Variants in PLXDC2 observed in about 807,000 individuals in gnomAD.
PLXDC2 encodes the protein plexin domain containing 2.
Under a neutral mutation model 68.9 loss-of-function variants are expected in PLXDC2, and 40 were observed. The ratio of observed to expected loss-of-function variants is 0.58; its 90% CI spans 0.45 to 0.76. PLXDC2 has a LOEUF of 0.76. Among genes scored for constraint, PLXDC2 ranks in the 30% least tolerant of loss-of-function variants. The pLI is 0.00. For synonymous variants in PLXDC2, 243 were observed against 234.2 expected (o/e 1.04, Z -0.34); for missense variants, 644 against 661.9 (o/e 0.97, Z 0.30).
At chr10:19,938,627 A>G (rs1160967899) in intron 1 of PLXDC2, among the ~76,000 whole-genome samples, 2 of 152,090 alleles carry the variant, frequency 1.3e-5, no homozygotes, top group Non-Finnish European at 2.9e-5. Flanking sequence ...ACCAGGTCCT[A>G]CCTCCAATGT....
At position 20,282,515 on chromosome 10, in the gene PLXDC2, G is replaced by A. The variant is rs1836094770; in HGVS notation, c.*2696G>A. 1 of 152,134 alleles carries A rather than the reference G, an allele frequency of 6.6e-6. No homozygotes were observed. Among genetic ancestry groups the A allele is most frequent in the Non-Finnish European group, 1.5e-5 (1 of 68,014 alleles). The allele number at this position is 152,134 out of a possible 1,614,324, so 9.4% of individuals were successfully genotyped here. Reference sequence around the variant, plus strand: ...ATAAATGGTGCTACAGAGGAATTTAGTTATTTCAGCTTAATTATTTGTAAA... The same window carrying A: ...ATAAATGGTGCTACAGAGGAATTTAATTATTTCAGCTTAATTATTTGTAAA... On this transcript the variant is annotated 3_prime_UTR_variant, in exon 14 of 14. Coordinates refer to ENST00000377252, the MANE Select transcript of PLXDC2 (RefSeq NM_032812.9).
intron 1 of PLXDC2, among the ~76,000 whole-genome samples, chr10:19,840,006 T>C (rs1294042182): frequency 6.6e-6 from 1 of 152,196 alleles, no homozygotes; most frequent in African/African-American, 2.4e-5. Flanking sequence ...AGACAAAAAC[T>C]AAATGTTAAC....
intron 4 of PLXDC2, among the ~76,000 whole-genome samples, chr10:20,078,099 C>T (rs1485718252): frequency 3.9e-5 from 6 of 152,050 alleles, no homozygotes; most frequent in Non-Finnish European, 1.5e-5. Flanking sequence ...ACCTTTCTAC[C>T]TCTTAATAAT....
Position 19,860,831 on chromosome 10 carries a change from A to G in PLXDC2, c.112+43640A>G, listed in dbSNP as rs1012841951. ...GGTTAAAGGTATGTACATAGTCTTC[A>G]GTACCAGAGAAAATCTGGGAGCCAG... is the stretch of plus-strand genomic sequence containing the variant. On this transcript the variant is annotated intron_variant, in intron 1 of 13. Transcript: ENST00000377252. 6.6e-5 allele frequency among the ~76,000 whole-genome samples: 10 copies of G among 152,152 alleles called. 1 individual carries two copies. The highest frequency in any genetic ancestry group is 1.3e-4 in the Admixed American group (2 of 15,270).
chr10:19,960,985 A>G (rs755024225), intron 1 of PLXDC2, among the ~76,000 whole-genome samples: 4 of 152,146 alleles, frequency 2.6e-5, no homozygotes, highest in African/African-American at 4.8e-5. Flanking sequence ...CTTGACTTGT[A>G]TTTCTGTGTT....
In PLXDC2 at chr10:20,164,668, C is replaced by A. The variant is rs1340287632; in HGVS notation, c.883+101C>A. The A allele has an allele frequency of 1.5e-5, 13 of 859,504 alleles. No homozygotes were observed. In the Admixed American group the frequency reaches 2.7e-4, roughly 18 times the overall value. The allele number at this position is 859,504 out of a possible 1,614,324, so 53.2% of individuals were successfully genotyped here. ...TGTACCTGAATTAAAAAAAAAATAG[C>A]TAATCGATTAGCTGATTAATGCTTG... is the stretch of plus-strand genomic sequence containing the variant. On this transcript the variant is annotated intron_variant, in intron 7 of 13. Coordinates refer to ENST00000377252, the MANE Select transcript of PLXDC2 (RefSeq NM_032812.9).
At chr10:20,144,836 G>T (rs891708013) in intron 5 of PLXDC2, among the ~76,000 whole-genome samples, 1 of 152,150 alleles carries the variant, frequency 6.6e-6, no homozygotes, top group African/African-American at 2.4e-5. Context: ...TGATTCTAAT[G>T]ACCAAGTTTT....
rs948808658 is a variant in PLXDC2, at chr10:19,966,880, G to C, written c.113-34895G>C. Among the ~76,000 whole-genome samples the C allele has an allele frequency of 4.6e-5, 7 of 152,168 alleles. 1 individual carries two copies. Among genetic ancestry groups the C allele is most frequent in the African/African-American group, 1.7e-4 (7 of 41,448 alleles). ...ATGCAGAGGCCAGGGGGAAACACTG[G>C]GGAGAGGGCTCCCAGGACCTAGCAG... On this transcript the variant is annotated intron_variant, in intron 1 of 13. Transcript: ENST00000377252.
At chr10:20,140,794 AC>A (rs372502210) in intron 4 of PLXDC2, among the ~76,000 whole-genome samples, 1 of 152,264 alleles carries the variant, frequency 6.6e-6, no homozygotes, top group Non-Finnish European at 1.5e-5. Context: ...ACCAAGAAAA[AC>A]AAACAATATT....
intron 1 of PLXDC2, among the ~76,000 whole-genome samples, chr10:19,937,079 C>A (rs1205337448): frequency 6.6e-6 from 1 of 152,078 alleles, no homozygotes; most frequent in Admixed American, 6.6e-5. Flanking sequence ...AGACTTAGAC[C>A]CGACCCTCAA....
chr10:20,267,897 TG>T (rs1461119105), intron 13 of PLXDC2, among the ~76,000 whole-genome samples: 1 of 151,986 alleles, frequency 6.6e-6, no homozygotes, highest in Non-Finnish European at 1.5e-5. Context: ...AGCTATCATC[TG>T]GCTCACATAA....
intron 13 of PLXDC2, among the ~76,000 whole-genome samples, chr10:20,252,938 A>G (rs769478196): frequency 2.0e-5 from 3 of 151,264 alleles, no homozygotes; most frequent in Non-Finnish European, 4.4e-5. Flanking sequence ...CAACTTGATA[A>G]TAAGTGGCAT....
chr10:20,114,600 G>A (rs942759264), intron 4 of PLXDC2, among the ~76,000 whole-genome samples: 1 of 152,224 alleles, frequency 6.6e-6, no homozygotes, highest in Non-Finnish European at 1.5e-5. Flanking sequence ...CACAAAGGGT[G>A]TAATCAGGCC....
chr10:20,110,489 T>C (rs1447149950), intron 4 of PLXDC2, among the ~76,000 whole-genome samples: 1 of 152,212 alleles, frequency 6.6e-6, no homozygotes. Context: ...ATTTATACTG[T>C]GGAATCCCCT....
In PLXDC2 at chr10:19,838,896, T is replaced by A. The variant is rs565751196; in HGVS notation, c.112+21705T>A. Among the ~76,000 whole-genome samples, 3 of 152,300 alleles carry A rather than the reference T, an allele frequency of 2.0e-5. No homozygotes were observed. In the East Asian group the frequency reaches 5.8e-4, roughly 29 times the overall value. ...CCTTATAAGCATCGCTTAAGATTAC[T>A]GCTCTGGGGCCAGGTGTGGTGGCTC... On this transcript the variant is annotated intron_variant, in intron 1 of 13. Transcript: ENST00000377252.
intron 12 of PLXDC2, among the ~76,000 whole-genome samples, chr10:20,230,701 A>AAAAAAAAAAAAAAAAAAAAC (rs1564361118): frequency 6.7e-6 from 1 of 149,316 alleles, no homozygotes; most frequent in Non-Finnish European, 1.5e-5. Flanking sequence ...CTCAAAAAAA[A>AAAAAAAAAAAAAAAAAAAAC]AAAAAAAAAA....
At chr10:20,207,293 A>G (rs1057080808) in intron 9 of PLXDC2, among the ~76,000 whole-genome samples, 1 of 151,896 alleles carries the variant, frequency 6.6e-6, no homozygotes, top group Non-Finnish European at 1.5e-5. Context: ...TGGGGGATTA[A>G]TTAATAAATC....
At chr10:20,244,524 C>A (rs1285869245) in intron 12 of PLXDC2, among the ~76,000 whole-genome samples, 2 of 152,298 alleles carry the variant, frequency 1.3e-5, no homozygotes, top group East Asian at 1.9e-4. Flanking sequence ...CCATCTGTTA[C>A]ACTTTTAAAA....
rs542213944 is a variant in PLXDC2, at chr10:20,047,633, T to C, written c.471+618T>C. Among the ~76,000 whole-genome samples, 5 of 152,256 alleles carry C rather than the reference T, an allele frequency of 3.3e-5. No individual in the cohort carries two copies. The South Asian group carries it at 1.0e-3, about 32-fold the overall frequency. ...GCTTTCTGCATGTGTAAACTGGAGA[T>C]GAGAAGGAATATTAATACCAGCCTC... On this transcript the variant is annotated intron_variant, in intron 3 of 13. Coordinates refer to ENST00000377252, the MANE Select transcript of PLXDC2 (RefSeq NM_032812.9).
Sources: allele counts gnomAD v4.1 joint callset (sites outside exome capture counted in the v4.1 genomes callset), GRCh38; gene constraint gnomAD v4.1.1; transcripts MANE v1.5; gene names NCBI Gene and HGNC (gene_info 2026-07-23, HGNC 2026-07-21).